Variants in ARHGEF2 observed in about 807,000 individuals in gnomAD.
ARHGEF2 encodes Rho/Rac guanine nucleotide exchange factor 2.
A neutral mutation model predicts 121.0 loss-of-function variants in ARHGEF2; 22 were observed. The observed-to-expected ratio is 0.18, with a 90% CI of 0.13 to 0.26. ARHGEF2 has a LOEUF of 0.26. Ranked by LOEUF, ARHGEF2 falls within the 10% of genes least tolerant of loss-of-function variation. ARHGEF2 has a pLI of 1.00. For missense variants in ARHGEF2, 907 were observed against 1,336.0 expected (o/e 0.68, Z 5.01); for synonymous variants, 487 against 530.0 (o/e 0.92, Z 1.11).
Position 155,951,741 on chromosome 1 carries a change from C to T in ARHGEF2, c.2208G>A (p.Glu736=), listed in dbSNP as rs1675503870. The change falls in exon 18 of 22, where the codon GAG becomes GAA. Residue 736 remains glutamate (E), a splice_region_variant and synonymous_variant. Coordinates refer to ENST00000361247, the MANE Select transcript of ARHGEF2 (RefSeq NM_001162383.2). This position sits in a 1 kb window ranked among gnomAD's most constrained non-coding sequence, Gnocchi z 5.1. ...CCTATACCATCAATTCCCATCTCAC[C>T]TCTTGCGGTGATCTCAGCTGATTTC... is the stretch of plus-strand genomic sequence containing the variant. ...RNGNQLRSPQ[E]EALQRLVNLY... 7 of 1,614,116 alleles carry T rather than the reference C, an allele frequency of 4.3e-6. No homozygotes were observed. In the East Asian group the frequency reaches 1.6e-4, roughly 36 times the overall value.
intron 12 of ARHGEF2, 67 bp downstream of exon 12, chr1:155,958,253 G>T: frequency 7.4e-7 from 1 of 1,350,500 alleles, no homozygotes; most frequent in Non-Finnish European, 1.1e-6. Context: ...CGTGGGCTTG[G>T]GCAGGAAAGC....
chr1:155,978,464 C>T lies in ARHGEF2; in HGVS notation c.-37G>A. The T allele has an allele frequency of 7.0e-7, 1 of 1,438,332 alleles. No homozygotes were observed. Among genetic ancestry groups the T allele is most frequent in the Non-Finnish European group, 9.3e-7 (1 of 1,077,952 alleles). 89.1% of individuals were successfully genotyped at this position (1,438,332 alleles called of 1,614,324 possible). A position where few individuals can be genotyped will look rare whatever the true frequency, so the allele number is the denominator to read the frequency against. ...GGGACCAGGGAGGACGCGGCGCGGACCCCGGCGTCCTGTATTGTTGGGGGA... is the reference window on the plus strand; with the variant it reads ...GGGACCAGGGAGGACGCGGCGCGGATCCCGGCGTCCTGTATTGTTGGGGGA... On this transcript the variant is annotated 5_prime_UTR_variant, in exon 1 of 22. Transcript: ENST00000361247. This position sits in a 1 kb window ranked among gnomAD's most constrained non-coding sequence, Gnocchi z 4.1.
At chr1:155,977,489 G>A (rs1681504639) in intron 1 of ARHGEF2, among the ~76,000 whole-genome samples, 1 of 152,100 alleles carries the variant, frequency 6.6e-6, no homozygotes, top group Non-Finnish European at 1.5e-5. Context: ...ACCCCAAGAC[G>A]AGCAGATAAG....
Position 155,950,205 on chromosome 1 carries a change from A to G in ARHGEF2, c.2887+94T>C. 2 of 1,458,494 alleles carry G rather than the reference A, an allele frequency of 1.4e-6. No homozygotes were observed. The highest frequency in any genetic ancestry group is 9.3e-7 in the Non-Finnish European group (1 of 1,075,038). 90.3% of individuals were successfully genotyped at this position (1,458,494 alleles called of 1,614,324 possible). ...CCTCCCTAGAGTTACTACAAGCCTC[A>G]CAGGTCAGTTAGGGCCCATTTGGAA... On this transcript the variant is annotated intron_variant, in intron 21 of 21. Transcript: ENST00000361247. The surrounding 1 kb of genome is among the most constrained non-coding windows in gnomAD (Gnocchi z 5.2).
rs553469067 is a variant in ARHGEF2 at position 155,962,509 on chromosome 1, G to A, written c.1101+84C>T. 2.7e-5 allele frequency: 42 copies of A among 1,568,600 alleles called. No individual in the cohort carries two copies. The East Asian group carries it at 6.7e-4, about 25-fold the overall frequency. The stretch of plus-strand genomic sequence containing the variant: ...GGTGGCGAATGCCTGACCTCCATGT[G>A]GGTGCAGCTCACAGGCACTACCCCC... On this transcript the variant is annotated intron_variant, in intron 9 of 21. Transcript: ENST00000361247. The surrounding 1 kb of genome is among the most constrained non-coding windows in gnomAD (Gnocchi z 5.8).
chr1:155,973,780 A>G (rs1279106179), intron 1 of ARHGEF2, among the ~76,000 whole-genome samples: 2 of 151,912 alleles, frequency 1.3e-5, no homozygotes, highest in Admixed American at 6.6e-5. Context: ...AGAAAGAAAG[A>G]TGGGAGCAAT....
intron 7 of ARHGEF2, among the ~76,000 whole-genome samples, chr1:155,963,497 C>T (rs1284090099): frequency 6.6e-6 from 1 of 151,386 alleles, no homozygotes; most frequent in East Asian, 2.0e-4. Flanking sequence ...AGGCACGCAC[C>T]ACCAGGCCCG....
rs1318279374 is a variant in ARHGEF2 at position 155,961,736 on chromosome 1, G to A, written c.1393C>T (p.Arg465Ter). 1 of 1,614,140 alleles carries A rather than the reference G, an allele frequency of 6.2e-7. No homozygotes were observed. The change falls in exon 11 of 22, where the codon CGA becomes TGA. Residue 465 changes from arginine (R) to a stop codon, truncating the protein, a stop_gained. Coordinates refer to ENST00000361247, the MANE Select transcript of ARHGEF2 (RefSeq NM_001162383.2). LOFTEE classifies it high-confidence loss of function. The surrounding 1 kb of genome is among the most constrained non-coding windows in gnomAD (Gnocchi z 4.7). ...TPVPGKGPFGREELLRRKLIH... is the reference protein window; with the variant it reads ...TPVPGKGPFG Reference sequence around the variant, plus strand: ...AGTTTGCGCCTCAGAAGTTCCTCTCGGCCAAAGGGGCCCTTGCCAGGCACT... The same window carrying A: ...AGTTTGCGCCTCAGAAGTTCCTCTCAGCCAAAGGGGCCCTTGCCAGGCACT...
rs373744397 is a variant in ARHGEF2 at position 155,950,574 on chromosome 1, C to T, written c.2704-92G>A. ...TTGGCTGAAGGCAGCAGCTCTCCCCCCTGGGGCTCACCCATGAGTCCCCTT... is the reference window on the plus strand; with the variant it reads ...TTGGCTGAAGGCAGCAGCTCTCCCCTCTGGGGCTCACCCATGAGTCCCCTT... On this transcript the variant is annotated intron_variant, in intron 20 of 21. Transcript: ENST00000361247. The surrounding 1 kb of genome is among the most constrained non-coding windows in gnomAD (Gnocchi z 5.2). The T allele has an allele frequency of 1.6e-4, 223 of 1,366,288 alleles. No individual in the cohort carries two copies. In the African/African-American group the frequency reaches 1.6e-3, roughly 10 times the overall value. 84.6% of individuals were successfully genotyped at this position (1,366,288 alleles called of 1,614,324 possible). A position where few individuals can be genotyped will look rare whatever the true frequency, so the allele number is the denominator to read the frequency against.
Position 155,971,902 on chromosome 1 carries a change from C to CAT in ARHGEF2, c.64-2604_64-2603dup, listed in dbSNP as rs1462645362. Among the ~76,000 whole-genome samples, 119 of 149,852 alleles carry CAT rather than the reference C, an allele frequency of 7.9e-4. No homozygotes were observed. The East Asian group carries it at 0.012, about 15-fold the overall frequency. On this transcript the variant is annotated intron_variant, in intron 1 of 21. Transcript: ENST00000361247. ...TCTCTATAAAAAAAAAAAATATATACATATATATATATACACACATAAGTA... is the reference window on the plus strand; with the variant it reads ...TCTCTATAAAAAAAAAAAATATATACATATATATATATATACACACATAAGTA...
At chr1:155,963,989 G>A (rs1433941979) in intron 7 of ARHGEF2, among the ~76,000 whole-genome samples, 1 of 150,268 alleles carries the variant, frequency 6.7e-6, no homozygotes, top group Non-Finnish European at 1.5e-5. Flanking sequence ...TACTAAAAAT[G>A]CAAAAATTAG....
intron 13 of ARHGEF2, 84 bp from the exon 14 acceptor site, chr1:155,955,053 G>A (rs1255672649): frequency 8.9e-7 from 1 of 1,125,064 alleles, no homozygotes; most frequent in African/African-American, 1.5e-5. Flanking sequence ...TCCCAAACAT[G>A]CCTTATGCTT....
intron 13 of ARHGEF2, among the ~76,000 whole-genome samples, chr1:155,955,452 G>A (rs1276644309): frequency 2.6e-5 from 4 of 152,036 alleles, no homozygotes; most frequent in Non-Finnish European, 4.4e-5. Context: ...GATTATCTGC[G>A]TTTACTGAGA....
In ARHGEF2 at chr1:155,951,338, C is replaced by G; in HGVS notation, c.2260-66G>C. On this transcript the variant is annotated intron_variant, in intron 19 of 21. Transcript: ENST00000361247. This position sits in a 1 kb window ranked among gnomAD's most constrained non-coding sequence, Gnocchi z 5.1. ...TGTGCTCTTCTACCCCTCGCCTTCA[C>G]CCTCCAAGGCCCAGATCATCGCTCC... 1 of 1,560,004 alleles carries G rather than the reference C, an allele frequency of 6.4e-7. No homozygotes were observed. The highest frequency in any genetic ancestry group is 8.7e-7 in the Non-Finnish European group (1 of 1,145,598).
chr1:155,971,639 A>G (rs976844222), intron 1 of ARHGEF2, among the ~76,000 whole-genome samples: 1 of 151,194 alleles, frequency 6.6e-6, no homozygotes, highest in Non-Finnish European at 1.5e-5. Flanking sequence ...GACCTCAAAC[A>G]CCAAGTCCAA....
rs1241200305 is a variant in ARHGEF2 at position 155,957,751 on chromosome 1, C to T, written c.1677G>A (p.Arg559=). 2.5e-6 allele frequency: 4 copies of T among 1,614,026 alleles called. No homozygotes were observed. The highest frequency in any genetic ancestry group is 3.4e-6 in the Non-Finnish European group (4 of 1,179,976). The part of the protein sequence containing the change: ...YEVHTASRDD[R]STWIRVIQQS... ...GCTGAATGACCCGGATCCAGGTGCT[C>T]CGGTCATCCCGGGATGCTGTGTGCA... is the stretch of plus-strand genomic sequence containing the variant. The change falls in exon 13 of 22, where the codon CGG becomes CGA. Residue 559 remains arginine (R), a synonymous_variant. Coordinates refer to ENST00000361247, the MANE Select transcript of ARHGEF2 (RefSeq NM_001162383.2).
Position 155,964,175 on chromosome 1 carries a change from TATATATATATATATATATATATAC to T in ARHGEF2, c.724+789_724+812del, listed in dbSNP as rs1558031013. Among the ~76,000 whole-genome samples, 71 of 62,204 alleles carry T rather than the reference TATATATATATATATATATATATAC, an allele frequency of 1.1e-3. No individual in the cohort carries two copies. The East Asian group carries it at 0.018, about 16-fold the overall frequency. The allele number at this position is 62,204 out of a possible 152,430, so 40.8% of individuals were successfully genotyped here. A position where few individuals can be genotyped will look rare whatever the true frequency, so the allele number is the denominator to read the frequency against. On this transcript the variant is annotated intron_variant, in intron 7 of 21. Coordinates refer to ENST00000361247, the MANE Select transcript of ARHGEF2 (RefSeq NM_001162383.2). Reference sequence around the variant, plus strand: ...AAAAAAAAAAAAAAAAAAATATATATATATATATATATATATATATATACATATATATATATATATATTTTTTTT... The same window carrying T: ...AAAAAAAAAAAAAAAAAAATATATATATATATATATATATATATTTTTTTT...
chr1:155,955,371 G>A (rs990239098), intron 13 of ARHGEF2, among the ~76,000 whole-genome samples: 7 of 151,818 alleles, frequency 4.6e-5, no homozygotes, highest in Non-Finnish European at 8.8e-5. Context: ...GTGATCCTCC[G>A]CCTCCCAAAG....
chr1:155,949,892 A>G (rs1675066492), intron 21 of ARHGEF2, among the ~76,000 whole-genome samples: 1 of 151,974 alleles, frequency 6.6e-6, no homozygotes, highest in South Asian at 2.1e-4. Flanking sequence ...ATAATAATGA[A>G]ATAAATTAAT....
Sources: gnomAD v4.1 joint callset for allele counts (sites outside exome capture counted in the v4.1 genomes callset) on GRCh38, gnomAD v4.1.1 for gene constraint, Gnocchi (gnomAD v3.1) non-coding constraint, MANE v1.5 for transcripts, NCBI Gene and HGNC (gene_info 2026-07-23, HGNC 2026-07-21) for gene names.